The following CSMD1 variants were observed in gnomAD, a reference collection of about 807,000 sequenced individuals.
CSMD1 encodes CUB and sushi domain-containing protein 1.
Under a neutral mutation model 417.5 loss-of-function variants are expected in CSMD1, and 213 were observed. That is an observed-to-expected ratio of 0.51 (90% CI 0.46 to 0.57). The LOEUF (loss-of-function observed/expected upper bound fraction) is 0.57, where lower values mean the gene tolerates loss of function less well. CSMD1 is among the 20% of genes least tolerant of loss of function. CSMD1 has a pLI of 0.00. For synonymous variants in CSMD1, 2,862 were observed against 1,736.8 expected (o/e 1.65, Z -16.11); for missense variants, 6,923 against 4,529.7 (o/e 1.53, Z -15.17).
intron 10 of CSMD1, among the ~76,000 whole-genome samples, chr8:3,511,886 GTTT>G (rs1797089419): frequency 7.1e-6 from 1 of 141,494 alleles, no homozygotes; most frequent in Non-Finnish European, 1.5e-5. Context: ...CAGAATTTGC[GTTT>G]TTGTTAGAAA....
intron 52 of CSMD1, among the ~76,000 whole-genome samples, chr8:3,009,263 G>C (rs530793205): frequency 6.6e-6 from 1 of 152,344 alleles, no homozygotes; most frequent in Admixed American, 6.5e-5. Context: ...TATTGGTCCG[G>C]GGATTAGAAC....
chr8:3,019,641 T>C (rs1322501559), intron 51 of CSMD1, among the ~76,000 whole-genome samples: 1 of 152,216 alleles, frequency 6.6e-6, no homozygotes, highest in African/African-American at 2.4e-5. Flanking sequence ...TGGGTGTCGA[T>C]GGGGTGACCC....
intron 47 of CSMD1, among the ~76,000 whole-genome samples, chr8:3,093,000 C>G (rs755140120): frequency 6.6e-6 from 1 of 152,182 alleles, no homozygotes; most frequent in Non-Finnish European, 1.5e-5. Context: ...AGAAACCATA[C>G]TCCACTCACC....
intron 7 of CSMD1, among the ~76,000 whole-genome samples, chr8:3,691,292 G>A (rs1401879491): frequency 1.6e-4 from 25 of 152,006 alleles, no homozygotes; most frequent in Admixed American, 1.6e-3. Context: ...ACTTGACCCT[G>A]GGAGGCGGAG....
chr8:4,043,346 C>T (rs555945984), intron 3 of CSMD1, among the ~76,000 whole-genome samples: 7 of 151,960 alleles, frequency 4.6e-5, no homozygotes, highest in Non-Finnish European at 8.8e-5. Flanking sequence ...ATGAGAAATA[C>T]AAAGCAAACT....
intron 5 of CSMD1, among the ~76,000 whole-genome samples, chr8:3,777,287 C>G: frequency 6.6e-6 from 1 of 152,058 alleles, no homozygotes; most frequent in Middle Eastern, 3.2e-3. Context: ...GCACAGTCCA[C>G]AGTCAGTAAA....
intron 23 of CSMD1, among the ~76,000 whole-genome samples, chr8:3,330,442 G>C (rs183444258): frequency 2.6e-5 from 4 of 152,224 alleles, no homozygotes; most frequent in Admixed American, 2.6e-4. Context: ...CATGTCTTTT[G>C]TGAGAACATG....
chr8:4,303,422 G>GTTTTTTTTTTTTTTTTTTTT (rs71511194), intron 3 of CSMD1, among the ~76,000 whole-genome samples: 2 of 85,216 alleles, frequency 2.3e-5, no homozygotes, highest in African/African-American at 4.8e-5. Flanking sequence ...GCAGGAAGCT[G>GTTTTTTTTTTTTTTTTTTTT]TTTTTTTTTT....
intron 1 of CSMD1, among the ~76,000 whole-genome samples, chr8:4,943,854 G>A (rs981518722): frequency 7.9e-5 from 12 of 152,198 alleles, no homozygotes; most frequent in Non-Finnish European, 1.8e-4. Context: ...AGCCAAGATA[G>A]AGCCATAAAT....
At chr8:4,151,409 A>G (rs528725469) in intron 3 of CSMD1, among the ~76,000 whole-genome samples, 2 of 152,218 alleles carry the variant, frequency 1.3e-5, no homozygotes, top group Non-Finnish European at 2.9e-5. Flanking sequence ...ATACTCTTTA[A>G]AAATATAAAT....
intron 3 of CSMD1, among the ~76,000 whole-genome samples, chr8:4,218,594 A>T (rs190755121): frequency 3.3e-5 from 5 of 152,312 alleles, no homozygotes; most frequent in Admixed American, 2.0e-4. Context: ...TTAATTTTAC[A>T]GTTGCTTAAT....
At chr8:3,860,768 G>T (rs554979689) in intron 5 of CSMD1, among the ~76,000 whole-genome samples, 1 of 152,118 alleles carries the variant, frequency 6.6e-6, no homozygotes, top group Non-Finnish European at 1.5e-5. Flanking sequence ...TGAAGGGAGA[G>T]AGTAGAGCTG....
chr8:3,920,918 T>A (rs1809205573), intron 5 of CSMD1, among the ~76,000 whole-genome samples: 1 of 152,130 alleles, frequency 6.6e-6, no homozygotes, highest in Admixed American at 6.6e-5. Context: ...ATTACAGACA[T>A]TGGCCTGTAC....
At position 3,928,388 on chromosome 8, in the gene CSMD1, G is replaced by C. The variant is rs1809899711; in HGVS notation, c.818+69515C>G. ...TTTAAAGTGCATAAAAAAATGTGTA[G>C]GTAGCAGTGAAATATCAGCACAAGC... is the stretch of plus-strand genomic sequence containing the variant. On this transcript the variant is annotated intron_variant, in intron 5 of 69. Coordinates refer to ENST00000635120, the MANE Select transcript of CSMD1 (RefSeq NM_033225.6). 2.0e-5 allele frequency among the ~76,000 whole-genome samples: 3 copies of C among 152,306 alleles called. No homozygotes were observed. In the South Asian group the frequency reaches 6.2e-4, roughly 32 times the overall value.
At chr8:4,223,153 C>T (rs377677154) in intron 3 of CSMD1, among the ~76,000 whole-genome samples, 4 of 151,308 alleles carry the variant, frequency 2.6e-5, no homozygotes, top group Admixed American at 6.6e-5. Context: ...AGGAGGGCAA[C>T]GCCACCCAGA....
intron 6 of CSMD1, among the ~76,000 whole-genome samples, chr8:3,734,814 G>T (rs948024245): frequency 2.6e-5 from 4 of 152,136 alleles, no homozygotes; most frequent in Non-Finnish European, 5.9e-5. Context: ...GCCCCGTGAC[G>T]GGGATACCTT....
rs900303366 is a variant in CSMD1, at chr8:4,355,318, C to CAT, written c.415+64634_415+64635insAT. Reference sequence around the variant, plus strand: ...ACAAACCACTTCATACACACACACACACACACGCACACACACACACGTATA... The same window carrying CAT: ...ACAAACCACTTCATACACACACACACATACACACGCACACACACACACGTATA... On this transcript the variant is annotated intron_variant, in intron 3 of 69. Coordinates refer to ENST00000635120, the MANE Select transcript of CSMD1 (RefSeq NM_033225.6). Among the ~76,000 whole-genome samples the CAT allele has an allele frequency of 5.4e-5, 7 of 130,446 alleles. No homozygotes were observed. In the East Asian group the frequency reaches 2.1e-3, roughly 40 times the overall value. 85.6% of individuals were successfully genotyped at this position (130,446 alleles called of 152,430 possible). A position where few individuals can be genotyped will look rare whatever the true frequency, so the allele number is the denominator to read the frequency against.
At chr8:3,139,220 T>C (rs1425117348) in intron 41 of CSMD1, among the ~76,000 whole-genome samples, 2 of 152,136 alleles carry the variant, frequency 1.3e-5, no homozygotes, top group African/African-American at 4.8e-5. Flanking sequence ...ACAAGAGTTA[T>C]CAGCTGTGAA....
intron 5 of CSMD1, among the ~76,000 whole-genome samples, chr8:3,964,081 T>C (rs557727405): frequency 1.3e-5 from 2 of 152,338 alleles, no homozygotes; most frequent in South Asian, 4.1e-4. Context: ...CTTGAATAAC[T>C]TTTTTGTCAA....
Sources: allele counts gnomAD v4.1 joint callset (sites outside exome capture counted in the v4.1 genomes callset), GRCh38; gene constraint gnomAD v4.1.1; transcripts MANE v1.5; gene names NCBI Gene and HGNC (gene_info 2026-07-23, HGNC 2026-07-21).